PRDM5: variants seen among roughly 807,000 people sequenced by gnomAD.
PRDM5 encodes PR domain zinc finger protein 5.
In PRDM5, 56 loss-of-function variants were observed where a neutral mutation model predicts 81.2. The observed-to-expected ratio is 0.69, with a 90% CI of 0.56 to 0.86. The LOEUF is 0.86. PRDM5 is among the 40% of genes least tolerant of loss of function. The pLI, the probability that PRDM5 is intolerant of heterozygous loss-of-function variation, is 0.00. For synonymous variants in PRDM5, 267 were observed against 256.4 expected, an observed-to-expected ratio of 1.04 and a Z score of -0.39; for missense variants, 697 against 770.1, an observed-to-expected ratio of 0.91 and a Z score of 1.12.
chr4:120,723,533 G>A (rs1738929663), intron 14 of PRDM5, among the ~76,000 whole-genome samples: 1 of 152,008 alleles, frequency 6.6e-6, no homozygotes, highest in Non-Finnish European at 1.5e-5. Context: ...CAAGAAAAAA[G>A]TTATGCTCAC....
chr4:120,839,313 G>A (rs1757728389), intron 3 of PRDM5: 4 of 702,840 alleles, frequency 5.7e-6, no homozygotes, highest in Non-Finnish European at 1.0e-5. Context: ...ACAAGTAGAA[G>A]GTAAGCAAGA....
chr4:120,815,444 T>C (rs1322432090), intron 7 of PRDM5, among the ~76,000 whole-genome samples: 1 of 152,218 alleles, frequency 6.6e-6, no homozygotes, highest in Non-Finnish European at 1.5e-5. Context: ...TTGCACTTAA[T>C]ATGCAGCCCA....
In PRDM5 at chr4:120,891,758, T is replaced by C. The variant is rs369520909; in HGVS notation, c.177+15716A>G. Among the ~76,000 whole-genome samples, 48 of 152,190 alleles carry C rather than the reference T, an allele frequency of 3.2e-4. No individual in the cohort carries two copies. The South Asian group carries it at 8.5e-3, about 27-fold the overall frequency. Reference sequence around the variant, plus strand: ...AATTCTCCTGCTTCAGCCTCCCAAATACCTGGGATTACAGGCACCCACCAC... The same window carrying C: ...AATTCTCCTGCTTCAGCCTCCCAAACACCTGGGATTACAGGCACCCACCAC... On this transcript the variant is annotated intron_variant, in intron 2 of 15. Coordinates refer to ENST00000264808, the MANE Select transcript of PRDM5 (RefSeq NM_018699.4).
At position 120,781,290 on chromosome 4, in the gene PRDM5, G is replaced by C. The variant is rs1266761912; in HGVS notation, c.1296C>G (p.Phe432Leu). 2.5e-6 allele frequency: 4 copies of C among 1,612,832 alleles called. No homozygotes were observed. The highest frequency in any genetic ancestry group is 3.3e-5 in the Admixed American group (2 of 59,894). ...HLLIHNSERT[F>L]KCHHCDATFK... ...AGGTAGCATCGCAGTGATGGCACTT[G>C]AAAGTCCTCTCACCTTAGAAACAAA... is the stretch of plus-strand genomic sequence containing the variant. The change falls in exon 12 of 16, where the codon TTC (phenylalanine) becomes TTG (leucine). Residue 432 changes from phenylalanine (F) to leucine (L), a missense_variant. Physicochemically the swap from Phe to Leu is conservative, Grantham distance 22 (BLOSUM62 0). Coordinates refer to ENST00000264808, the MANE Select transcript of PRDM5 (RefSeq NM_018699.4).
chr4:120,710,234 CACACAT>C, intron 15 of PRDM5, 69 bp downstream of exon 15: 8 of 1,219,918 alleles, frequency 6.6e-6, no homozygotes, highest in Non-Finnish European at 9.6e-6. Context: ...CACACACACA[CACACAT>C]ACACACACAC....
chr4:120,798,459 T>C, intron 9 of PRDM5, 35 bp from the exon 10 acceptor site: 1 of 1,519,218 alleles, frequency 6.6e-7, no homozygotes, highest in Non-Finnish European at 9.1e-7. Flanking sequence ...ATCTCATATC[T>C]ATATAAAGGT....
intron 3 of PRDM5, among the ~76,000 whole-genome samples, chr4:120,842,483 C>T (rs1758144921): frequency 6.6e-6 from 1 of 152,074 alleles, no homozygotes; most frequent in African/African-American, 2.4e-5. Context: ...TTACTGAGCC[C>T]CCACTAGACG....
chr4:120,806,318 T>C (rs79264072), intron 8 of PRDM5, among the ~76,000 whole-genome samples: 2 of 152,190 alleles, frequency 1.3e-5, no homozygotes, highest in African/African-American at 2.4e-5. Context: ...AAGCTACTAA[T>C]GACTTTCTTC....
rs375854367 is a variant in PRDM5, at chr4:120,840,119, C to T, written c.300+13299G>A. Among the ~76,000 whole-genome samples, 119 of 152,322 alleles carry T rather than the reference C, an allele frequency of 7.8e-4. 1 individual carries two copies. The highest frequency in any genetic ancestry group is 2.5e-3 in the East Asian group (13 of 5,174). On this transcript the variant is annotated intron_variant, in intron 3 of 15. Transcript: ENST00000264808. ...AGCTGAAGCCGCATCTGGGAGGGTG[C>T]GGCTGCTACCTGCTCCTGGCTCCCA... is the stretch of plus-strand genomic sequence containing the variant.
rs1400109940 is a variant in PRDM5 at position 120,692,733 on chromosome 4, A to T, written c.*2378T>A. On this transcript the variant is annotated 3_prime_UTR_variant, in exon 16 of 16. Transcript: ENST00000264808. ...TGGTCTTTTCTCAAGAAAATACCCCAGCCAAAATCTTTCACAGCAGGAAAC... is the reference window on the plus strand; with the variant it reads ...TGGTCTTTTCTCAAGAAAATACCCCTGCCAAAATCTTTCACAGCAGGAAAC... 1 of 152,098 alleles carries T rather than the reference A, an allele frequency of 6.6e-6. No homozygotes were observed. The highest frequency in any genetic ancestry group is 1.9e-4 in the East Asian group (1 of 5,180). 9.4% of individuals were successfully genotyped at this position (152,098 alleles called of 1,614,324 possible). A position where few individuals can be genotyped will look rare whatever the true frequency, so the allele number is the denominator to read the frequency against.
At chr4:120,840,901 G>A (rs919853510) in intron 3 of PRDM5, among the ~76,000 whole-genome samples, 5 of 152,158 alleles carry the variant, frequency 3.3e-5, no homozygotes, top group East Asian at 3.9e-4. Context: ...ACTGCTGCTC[G>A]GACAGGAGGC....
intron 3 of PRDM5, among the ~76,000 whole-genome samples, chr4:120,846,600 A>C (rs1401699995): frequency 1.3e-5 from 2 of 152,180 alleles, no homozygotes; most frequent in African/African-American, 4.8e-5. Context: ...GAAACCAAAG[A>C]TGTTATGGTG....
chr4:120,702,082 A>G (rs1445023697), intron 15 of PRDM5, among the ~76,000 whole-genome samples: 2 of 152,194 alleles, frequency 1.3e-5, no homozygotes, highest in Non-Finnish European at 2.9e-5. Context: ...CAAGCATGCA[A>G]GTAATGCCTT....
intron 2 of PRDM5, among the ~76,000 whole-genome samples, chr4:120,866,639 G>T (rs1029719495): frequency 2.6e-5 from 4 of 152,164 alleles, no homozygotes; most frequent in Non-Finnish European, 5.9e-5. Flanking sequence ...CTTTCCAAAG[G>T]TTTCACAGCT....
intron 7 of PRDM5, chr4:120,816,245 G>A (rs1754466814): frequency 1.3e-6 from 1 of 765,332 alleles, no homozygotes; most frequent in Non-Finnish European, 2.1e-6. Flanking sequence ...ATTAATTCAG[G>A]AATGGGAAAA....
chr4:120,882,865 G>A (rs1364842900), intron 2 of PRDM5, among the ~76,000 whole-genome samples: 1 of 152,196 alleles, frequency 6.6e-6, no homozygotes, highest in Non-Finnish European at 1.5e-5. Flanking sequence ...CTACAATACA[G>A]TTATATCTCA....
At chr4:120,687,213 T>C (rs35833719), downstream of PRDM5, among the ~76,000 whole-genome samples, 26,192 of 152,068 alleles carry the variant, frequency 0.17, 2,587 homozygotes, top group Non-Finnish European at 0.24. Context: ...GTGTTAACTA[T>C]TGCATATTGC....
In PRDM5 at chr4:120,757,925, C is replaced by T. The variant is rs148023481; in HGVS notation, c.1538-3287G>A. 7.2e-3 allele frequency among the ~76,000 whole-genome samples: 1,088 copies of T among 151,968 alleles called. 9 individuals are homozygous for T. The highest frequency in any genetic ancestry group is 0.012 in the Admixed American group (183 of 15,244). On this transcript the variant is annotated intron_variant, in intron 13 of 15. Coordinates refer to ENST00000264808, the MANE Select transcript of PRDM5 (RefSeq NM_018699.4). ...TCTGTCTCTCTCCCTTCCTCCCTCC[C>T]TCCATCTCTCTCCTTGATCTGAGAT...
chr4:120,698,529 G>T (rs1734860432), intron 15 of PRDM5, among the ~76,000 whole-genome samples: 1 of 152,028 alleles, frequency 6.6e-6, no homozygotes, highest in Non-Finnish European at 1.5e-5. Flanking sequence ...CATACCTTTT[G>T]TTACCACATA....
Sources: allele counts gnomAD v4.1 joint callset (sites outside exome capture counted in the v4.1 genomes callset), GRCh38; gene constraint gnomAD v4.1.1; transcripts MANE v1.5; gene names NCBI Gene and HGNC (gene_info 2026-07-23, HGNC 2026-07-21).